Variants in CMTM4 observed in about 807,000 individuals in gnomAD.
CMTM4 encodes the protein CKLF-like MARVEL transmembrane domain-containing protein 4.
A neutral mutation model predicts 19.0 loss-of-function variants in CMTM4; 8 were observed. That is an observed-to-expected ratio of 0.42 (90% CI 0.25 to 0.76). The LOEUF (loss-of-function observed/expected upper bound fraction) is 0.76. Among genes scored for constraint, CMTM4 ranks in the 30% least tolerant of loss-of-function variants. The pLI is 0.27. For missense variants in CMTM4, 228 were observed against 290.2 expected (o/e 0.79, Z 1.56); for synonymous variants, 106 against 121.1 (o/e 0.88, Z 0.82).
Position 66,696,156 on chromosome 16 carries a change from G to C in CMTM4, c.186+184C>G, listed in dbSNP as rs2017230181. ...GCCGGCCTGGGAAGGGCAGGCTCTG[G>C]CCGAAGGCGGGGTCCCCAGAGAAGG... On this transcript the variant is annotated intron_variant, in intron 1 of 3. Transcript: ENST00000394106. The surrounding 1 kb of genome is among the most constrained non-coding windows in gnomAD (Gnocchi z 4.3). Among the ~76,000 whole-genome samples the C allele has an allele frequency of 1.3e-5, 2 of 152,192 alleles. No homozygotes were observed. The highest frequency in any genetic ancestry group is 4.8e-5 in the African/African-American group (2 of 41,462).
chr16:66,627,820 T>C (rs1567405584), intron 2 of CMTM4, among the ~76,000 whole-genome samples: 1 of 152,096 alleles, frequency 6.6e-6, no homozygotes, highest in Non-Finnish European at 1.5e-5. Context: ...AGACAAAGCA[T>C]AGAGAAACAA....
intron 1 of CMTM4, among the ~76,000 whole-genome samples, chr16:66,647,294 A>C (rs1037532857): frequency 1.3e-5 from 2 of 148,984 alleles, no homozygotes; most frequent in African/African-American, 5.0e-5. Flanking sequence ...ACTGCACTCC[A>C]GCTTGGGCAA....
intron 1 of CMTM4, among the ~76,000 whole-genome samples, chr16:66,663,136 A>C (rs1395072600): frequency 6.6e-6 from 1 of 152,222 alleles, no homozygotes; most frequent in Non-Finnish European, 1.5e-5. Flanking sequence ...GCTTTCGAAA[A>C]CAAAACAAAA....
At chr16:66,685,088 G>A (rs1017984835) in intron 1 of CMTM4, among the ~76,000 whole-genome samples, 3 of 152,158 alleles carry the variant, frequency 2.0e-5, no homozygotes, top group African/African-American at 7.2e-5. Flanking sequence ...ATGAATTGCT[G>A]TAATTTCAAT....
intron 1 of CMTM4, among the ~76,000 whole-genome samples, chr16:66,649,608 C>A (rs569098945): frequency 3.3e-5 from 5 of 152,260 alleles, no homozygotes; most frequent in Admixed American, 3.3e-4. Context: ...GTCCTGCAGA[C>A]TCCACAGTGG....
At chr16:66,604,912 T>C in the CMTM4 span, 1 of 1,477,738 alleles carries the variant, frequency 6.8e-7, no homozygotes, top group Non-Finnish European at 8.9e-7. Flanking sequence ...GCGCGGGCTT[T>C]CCTCTGCTCT....
intron 2 of CMTM4, among the ~76,000 whole-genome samples, chr16:66,626,350 T>C (rs1443324126): frequency 6.6e-6 from 1 of 152,222 alleles, no homozygotes; most frequent in Non-Finnish European, 1.5e-5. Flanking sequence ...ACATCTGTAA[T>C]CCCAGCACTT....
intron 1 of CMTM4, among the ~76,000 whole-genome samples, chr16:66,695,513 G>A (rs1188991467): frequency 1.3e-5 from 2 of 152,184 alleles, no homozygotes; most frequent in African/African-American, 4.8e-5. Context: ...GCAATTGCCC[G>A]CAGAGGCATG....
In CMTM4 at chr16:66,619,681, T is replaced by G; in HGVS notation, c.*2377A>C. The G allele has an allele frequency of 1.0e-6, 1 of 985,416 alleles. No homozygotes were observed. Among genetic ancestry groups the G allele is most frequent in the Non-Finnish European group, 1.2e-6 (1 of 829,936 alleles). 61.0% of individuals were successfully genotyped at this position (985,416 alleles called of 1,614,324 possible). ...CTTTCGTCACCACGTGGTCTATACA[T>G]GATGACATGTGCAACCACACATTAC... On this transcript the variant is annotated 3_prime_UTR_variant, in exon 4 of 4. Coordinates refer to ENST00000394106, the MANE Select transcript of CMTM4 (RefSeq NM_181521.3).
chr16:66,660,931 G>A (rs541085525), intron 1 of CMTM4, among the ~76,000 whole-genome samples: 5 of 152,250 alleles, frequency 3.3e-5, no homozygotes, highest in African/African-American at 7.2e-5. Flanking sequence ...CCGGAATCGC[G>A]TCTAGCTGGC....
chr16:66,621,206 C>T lies in CMTM4; in HGVS notation c.*852G>A. On this transcript the variant is annotated 3_prime_UTR_variant, in exon 4 of 4. Transcript: ENST00000394106. ...TGCTGTTTTTTAACACAAACACCTC[C>T]CACCTGCGGTTCATGAAGCCAGCAA... 2 of 985,670 alleles carry T rather than the reference C, an allele frequency of 2.0e-6. No homozygotes were observed. Among genetic ancestry groups the T allele is most frequent in the Non-Finnish European group, 2.4e-6 (2 of 829,950 alleles). The allele number at this position is 985,670 out of a possible 1,614,324, so 61.1% of individuals were successfully genotyped here.
rs1567432025 is a variant in CMTM4 at position 66,683,144 on chromosome 16, TATGTATATATATATAC to T, written c.186+13180_186+13195del. 5.5e-5 allele frequency among the ~76,000 whole-genome samples: 7 copies of T among 127,454 alleles called. No homozygotes were observed. The East Asian group carries it at 1.5e-3, about 28-fold the overall frequency. 83.6% of individuals were successfully genotyped at this position (127,454 alleles called of 152,430 possible). A position where few individuals can be genotyped will look rare whatever the true frequency, so the allele number is the denominator to read the frequency against. ...GTGTGTGTGTGTATATATATATATA[TATGTATATATATATAC>T]GTATATATATATATACATATGTATA... On this transcript the variant is annotated intron_variant, in intron 1 of 3. Coordinates refer to ENST00000394106, the MANE Select transcript of CMTM4 (RefSeq NM_181521.3).
chr16:66,669,643 G>A (rs1567425176), intron 1 of CMTM4, among the ~76,000 whole-genome samples: 1 of 152,014 alleles, frequency 6.6e-6, no homozygotes, highest in Non-Finnish European at 1.5e-5. Context: ...CCAGGTTCAC[G>A]CCATTCTCCT....
At chr16:66,627,846 A>G (rs1249933494) in intron 2 of CMTM4, among the ~76,000 whole-genome samples, 2 of 152,182 alleles carry the variant, frequency 1.3e-5, no homozygotes, top group Non-Finnish European at 2.9e-5. Context: ...GGCCCAGGAG[A>G]CCGGCACTCA....
At chr16:66,657,485 A>C (rs1240401151) in intron 1 of CMTM4, among the ~76,000 whole-genome samples, 1 of 152,240 alleles carries the variant, frequency 6.6e-6, no homozygotes, top group African/African-American at 2.4e-5. Context: ...AGAGACATCA[A>C]GTCTGTACTC....
At chr16:66,678,526 A>G (rs2016848409) in intron 1 of CMTM4, among the ~76,000 whole-genome samples, 1 of 152,200 alleles carries the variant, frequency 6.6e-6, no homozygotes, top group South Asian at 2.1e-4. Context: ...TGGTATTTGC[A>G]CCTTTCATTG....
the CMTM4 span, chr16:66,609,672 C>T: frequency 1.3e-6 from 2 of 1,533,456 alleles, no homozygotes; most frequent in Admixed American, 3.9e-5. This position sits in a 1 kb window ranked among gnomAD's most constrained non-coding sequence, Gnocchi z 4.4. Flanking sequence ...AAAGTCCTCT[C>T]ATTAAAGACT....
intron 3 of CMTM4, 96 bp downstream of exon 3, chr16:66,623,308 G>T: frequency 2.5e-6 from 2 of 814,766 alleles, no homozygotes; most frequent in Non-Finnish European, 3.9e-6. Context: ...GCAAAGAAAA[G>T]CCACAGGAGG....
chr16:66,661,600 C>T (rs1413998974), intron 1 of CMTM4, among the ~76,000 whole-genome samples: 2 of 152,164 alleles, frequency 1.3e-5, no homozygotes, highest in South Asian at 2.1e-4. Context: ...ATTCCTTGCA[C>T]ATGCCAGGAA....
Sources: allele counts gnomAD v4.1 joint callset (sites outside exome capture counted in the v4.1 genomes callset), GRCh38; gene constraint gnomAD v4.1.1; non-coding constraint Gnocchi (gnomAD v3.1); transcripts MANE v1.5; gene names NCBI Gene and HGNC (gene_info 2026-07-23, HGNC 2026-07-21).